MGAT4C: variants seen among roughly 807,000 people sequenced by gnomAD.
The protein encoded by MGAT4C is MGAT4 family member C, also known as alpha-1,3-mannosyl-glycoprotein 4-beta-N-acetylglucosaminyltransferase C.
Under a neutral mutation model 40.1 loss-of-function variants are expected in MGAT4C, and 19 were observed. The ratio of observed to expected loss-of-function variants is 0.47; its 90% CI spans 0.33 to 0.70. The LOEUF is 0.70. MGAT4C is among the 30% of genes least tolerant of loss of function. The probability of loss-of-function intolerance (pLI) is 0.02; values close to 1 mark genes in which losing one functional copy is unlikely to be tolerated. For synonymous variants in MGAT4C, 181 were observed against 187.1 expected, an observed-to-expected ratio of 0.97 and a Z score of 0.27; for missense variants, 491 against 563.2, an observed-to-expected ratio of 0.87 and a Z score of 1.30.
chr12:86,759,951 G>T (rs1428022441), intron 1 of MGAT4C, among the ~76,000 whole-genome samples: 2 of 152,004 alleles, frequency 1.3e-5, no homozygotes, highest in African/African-American at 4.8e-5. Flanking sequence ...AAGCACAAAA[G>T]ACCCCAAATA....
chr12:86,652,224 CAAT>C (rs1055649995), intron 2 of MGAT4C, among the ~76,000 whole-genome samples: 4 of 151,744 alleles, frequency 2.6e-5, no homozygotes, highest in Non-Finnish European at 5.9e-5. Context: ...TTTTTATTCT[CAAT>C]GATGATTATG....
intron 2 of MGAT4C, among the ~76,000 whole-genome samples, chr12:86,471,465 A>C (rs1389444435): frequency 6.6e-6 from 1 of 152,062 alleles, no homozygotes; most frequent in Admixed American, 6.6e-5. Context: ...CCCTAGGAAA[A>C]AATACAAAAA....
Position 86,608,839 on chromosome 12 carries a change from T to C in MGAT4C, c.-229+118370A>G, listed in dbSNP as rs796380305. 7.9e-5 allele frequency among the ~76,000 whole-genome samples: 12 copies of C among 152,292 alleles called. 1 individual carries two copies. The highest frequency in any genetic ancestry group is 2.6e-4 in the African/African-American group (11 of 41,576). On this transcript the variant is annotated intron_variant, in intron 2 of 7. Coordinates refer to the MGAT4C transcript ENST00000548651. ...AAAGAAGAAAGGCATCACAATATTATACATAGTGTTAGACTTTCTTGGTCT... is the reference window on the plus strand; with the variant it reads ...AAAGAAGAAAGGCATCACAATATTACACATAGTGTTAGACTTTCTTGGTCT...
intron 2 of MGAT4C, among the ~76,000 whole-genome samples, chr12:86,663,189 T>C (rs746698045): frequency 3.2e-4 from 48 of 151,692 alleles, no homozygotes; most frequent in Non-Finnish European, 6.3e-4. Context: ...CAAAACTCTG[T>C]CTCTACAGAA....
intron 1 of MGAT4C, among the ~76,000 whole-genome samples, chr12:86,078,123 C>T (rs1451173151): frequency 6.6e-6 from 1 of 152,088 alleles, no homozygotes; most frequent in Non-Finnish European, 1.5e-5. Flanking sequence ...CCCCTTGATT[C>T]CTGGACCCAT....
At chr12:86,398,660 T>C (rs1431033885) in intron 3 of MGAT4C, among the ~76,000 whole-genome samples, 1 of 151,880 alleles carries the variant, frequency 6.6e-6, no homozygotes, top group Non-Finnish European at 1.5e-5. Flanking sequence ...GGAAACAGAA[T>C]CTCTCTCTCT....
intron 4 of MGAT4C, among the ~76,000 whole-genome samples, chr12:86,299,268 C>G: frequency 6.6e-6 from 1 of 152,146 alleles, no homozygotes; most frequent in Non-Finnish European, 1.5e-5. Context: ...AAGCGCATGC[C>G]ACCAGGCCCA....
At chr12:86,049,304 CTGTGTG>C (rs112761344) in intron 2 of MGAT4C, among the ~76,000 whole-genome samples, 1 of 148,574 alleles carries the variant, frequency 6.7e-6, no homozygotes, top group Non-Finnish European at 1.5e-5. Context: ...GTGTGTGCGC[CTGTGTG>C]TGTGTGTGTG....
At chr12:86,189,969 C>A (rs1046629104) in intron 1 of MGAT4C, among the ~76,000 whole-genome samples, 9 of 151,940 alleles carry the variant, frequency 5.9e-5, no homozygotes, top group African/African-American at 2.2e-4. Flanking sequence ...ACTTTAAATG[C>A]CTAATATATC....
At chr12:86,493,577 C>T (rs1046764118) in intron 2 of MGAT4C, among the ~76,000 whole-genome samples, 3 of 148,244 alleles carry the variant, frequency 2.0e-5, no homozygotes, top group African/African-American at 7.5e-5. Flanking sequence ...TTTTCTCACT[C>T]ATAGGTGGGA....
At chr12:86,418,417 A>G (rs1265097771) in intron 3 of MGAT4C, among the ~76,000 whole-genome samples, 1 of 151,980 alleles carries the variant, frequency 6.6e-6, no homozygotes, top group Non-Finnish European at 1.5e-5. Context: ...AGCCTGGCTA[A>G]CATGGTGAAA....
At position 85,966,054 on chromosome 12, in the gene MGAT4C, G is replaced by T. The variant is rs568627682; in HGVS notation, c.*13235C>A. ...GTGTCAGGCATTATTTTCCTATTAT[G>T]AGACATTTTATATTATGGTTATTTA... On this transcript the variant is annotated 3_prime_UTR_variant, in exon 5 of 5. Transcript: ENST00000611864. The T allele has an allele frequency of 6.6e-6, 1 of 152,164 alleles. No individual in the cohort carries two copies. The highest frequency in any genetic ancestry group is 2.4e-5 in the African/African-American group (1 of 41,524). 9.4% of individuals were successfully genotyped at this position (152,164 alleles called of 1,614,324 possible).
chr12:86,061,593 C>A (rs1052835899), intron 1 of MGAT4C, among the ~76,000 whole-genome samples: 11 of 152,084 alleles, frequency 7.2e-5, no homozygotes, highest in Admixed American at 5.2e-4. Context: ...GGTCTCACCC[C>A]CATGGAGCCC....
intron 1 of MGAT4C, among the ~76,000 whole-genome samples, chr12:86,800,584 G>A (rs1036548740): frequency 1.3e-5 from 2 of 151,804 alleles, no homozygotes; most frequent in Non-Finnish European, 2.9e-5. Flanking sequence ...GGTATCAGAG[G>A]GAGTAAACCA....
At chr12:86,039,565 C>A (rs1193380560) in intron 2 of MGAT4C, among the ~76,000 whole-genome samples, 1 of 152,140 alleles carries the variant, frequency 6.6e-6, no homozygotes, top group Non-Finnish European at 1.5e-5. Context: ...GTTTTTTCAG[C>A]TCCATCAGGT....
chr12:85,999,330 G>T (rs1315266774), intron 2 of MGAT4C, among the ~76,000 whole-genome samples: 1 of 152,074 alleles, frequency 6.6e-6, no homozygotes, highest in Non-Finnish European at 1.5e-5. Context: ...AATGCACATA[G>T]AAGATTTTCT....
intron 2 of MGAT4C, among the ~76,000 whole-genome samples, chr12:86,023,377 G>A (rs1000828229): frequency 6.6e-6 from 1 of 151,456 alleles, no homozygotes; most frequent in Non-Finnish European, 1.5e-5. Flanking sequence ...AACCAAGAAT[G>A]GAGAGACTAT....
At chr12:86,681,124 C>T (rs1016988936) in intron 2 of MGAT4C, among the ~76,000 whole-genome samples, 25 of 150,200 alleles carry the variant, frequency 1.7e-4, no homozygotes, top group African/African-American at 5.1e-4. Flanking sequence ...ATATGTGATT[C>T]TCTCTATGTA....
intron 2 of MGAT4C, among the ~76,000 whole-genome samples, chr12:86,607,892 G>A (rs1962099496): frequency 6.6e-6 from 1 of 152,042 alleles, no homozygotes; most frequent in Admixed American, 6.6e-5. Context: ...ATATCTTTAT[G>A]CCATCATTAT....
Sources: gnomAD v4.1 joint callset for allele counts (sites outside exome capture counted in the v4.1 genomes callset) on GRCh38, gnomAD v4.1.1 for gene constraint, MANE v1.5 for transcripts, NCBI Gene and HGNC (gene_info 2026-07-23, HGNC 2026-07-21) for gene names.